Variants in ACTR3B observed in about 807,000 individuals in gnomAD.
ACTR3B encodes the protein actin related protein 3B.
In ACTR3B, 8 loss-of-function variants were observed where a neutral mutation model predicts 59.0. That is an observed-to-expected ratio of 0.14 (90% CI 0.08 to 0.24). The LOEUF (loss-of-function observed/expected upper bound fraction) is 0.24. Ranked by LOEUF, ACTR3B falls within the 10% of genes least tolerant of loss-of-function variation. The pLI, the probability that ACTR3B is intolerant of heterozygous loss-of-function variation, is 1.00. For missense variants in ACTR3B, 245 were observed against 552.3 expected, an observed-to-expected ratio of 0.44 and a Z score of 5.58; for synonymous variants, 148 against 197.9, an observed-to-expected ratio of 0.75 and a Z score of 2.12.
At chr7:152,788,406 CTAAAGTT>C (rs1438868084) in intron 2 of ACTR3B, among the ~76,000 whole-genome samples, 1 of 146,608 alleles carries the variant, frequency 6.8e-6, no homozygotes, top group East Asian at 2.0e-4. Context: ...TTCTAATGTT[CTAAAGTT>C]TTTTTTTTTT....
intron 2 of ACTR3B, among the ~76,000 whole-genome samples, chr7:152,797,847 G>C (rs1193736998): frequency 1.3e-5 from 2 of 152,076 alleles, no homozygotes; most frequent in South Asian, 4.1e-4. Context: ...TCCATGTTGT[G>C]GGCAGATGGC....
intron 4 of ACTR3B, chr7:152,812,536 TG>T (rs1329499796): frequency 2.1e-5 from 3 of 140,562 alleles, no homozygotes; most frequent in East Asian, 4.6e-4. Context: ...TTTATTTTAT[TG>T]TTTTTTTTTA....
intron 2 of ACTR3B, among the ~76,000 whole-genome samples, chr7:152,796,656 A>G: frequency 8.6e-6 from 1 of 115,826 alleles, no homozygotes; most frequent in Non-Finnish European, 2.0e-5. Context: ...GTAGCTGTGC[A>G]GAAAAATTAA....
chr7:152,802,019 G>A (rs575254298), intron 4 of ACTR3B, among the ~76,000 whole-genome samples: 1 of 152,218 alleles, frequency 6.6e-6, no homozygotes, highest in East Asian at 1.9e-4. Context: ...TCTTCTGTTT[G>A]TTCCCCCTGG....
intron 4 of ACTR3B, among the ~76,000 whole-genome samples, chr7:152,807,584 G>A (rs963457362): frequency 1.3e-5 from 2 of 152,186 alleles, no homozygotes; most frequent in Admixed American, 6.5e-5. Flanking sequence ...ATTAGTCTCT[G>A]CACAGTGTGC....
intron 10 of ACTR3B, 45 bp from the exon 11 acceptor site, chr7:152,853,449 T>C (rs759042951): frequency 2.5e-6 from 4 of 1,570,166 alleles, no homozygotes; most frequent in Non-Finnish European, 2.6e-6. Context: ...TTAGATCACA[T>C]GTGTCTGTGG....
intron 4 of ACTR3B, among the ~76,000 whole-genome samples, chr7:152,809,537 C>CTT (rs1287437886): frequency 6.7e-5 from 10 of 148,226 alleles, no homozygotes; most frequent in African/African-American, 2.3e-4. Context: ...TTTGTTTTTT[C>CTT]TTTTTTTTTT....
chr7:152,784,012 G>T (rs534864954), intron 2 of ACTR3B, among the ~76,000 whole-genome samples: 3 of 152,046 alleles, frequency 2.0e-5, no homozygotes, highest in Admixed American at 6.6e-5. Context: ...ATCACTTGAA[G>T]CTGGGGGGTG....
intron 7 of ACTR3B, among the ~76,000 whole-genome samples, chr7:152,821,781 TCACC>T (rs1389946705): frequency 6.6e-6 from 1 of 152,248 alleles, no homozygotes; most frequent in Non-Finnish European, 1.5e-5. Context: ...CTGTTAGTTC[TCACC>T]TCACTTCTCT....
At chr7:152,760,145 C>T (rs1385663306) in intron 1 of ACTR3B, among the ~76,000 whole-genome samples, 2 of 152,150 alleles carry the variant, frequency 1.3e-5, no homozygotes, top group Non-Finnish European at 2.9e-5. Flanking sequence ...AGGAAAAGCA[C>T]GGAGGGTAGG....
rs573257781 is a variant in ACTR3B at position 152,805,820 on chromosome 7, C to T, written c.336+4089C>T. Among the ~76,000 whole-genome samples, 5 of 152,210 alleles carry T rather than the reference C, an allele frequency of 3.3e-5. No individual in the cohort carries two copies. The East Asian group carries it at 5.8e-4, about 18-fold the overall frequency. ...TATGTTGTCGCCTCCTCTCCTATCT[C>T]GCTTCCTTGAGGATTTGTATTTTTA... On this transcript the variant is annotated intron_variant, in intron 4 of 11. Transcript: ENST00000256001.
intron 1 of ACTR3B, among the ~76,000 whole-genome samples, chr7:152,772,722 C>A (rs1336416961): frequency 7.5e-6 from 1 of 132,900 alleles, no homozygotes; most frequent in Non-Finnish European, 1.6e-5. Context: ...AGTGAGGGCT[C>A]CAGAAATAGA....
chr7:152,764,801 A>T (rs1312907835), intron 1 of ACTR3B, among the ~76,000 whole-genome samples: 2 of 152,222 alleles, frequency 1.3e-5, no homozygotes, highest in Admixed American at 6.5e-5. Flanking sequence ...ATTAGTGTGC[A>T]TTCTCACCAG....
intron 5 of ACTR3B, among the ~76,000 whole-genome samples, chr7:152,814,930 C>A (rs1590344082): frequency 6.6e-6 from 1 of 151,420 alleles, no homozygotes; most frequent in African/African-American, 2.4e-5. Flanking sequence ...AGATGTGCTT[C>A]TTCTTTTGGC....
chr7:152,799,791 C>A (rs1004775736), intron 2 of ACTR3B, among the ~76,000 whole-genome samples: 1 of 152,168 alleles, frequency 6.6e-6, no homozygotes, highest in Admixed American at 6.5e-5. Context: ...AGAGTGTGAG[C>A]AGGAGTTAGA....
chr7:152,828,737 G>A (rs552108528), intron 9 of ACTR3B, among the ~76,000 whole-genome samples: 2 of 152,016 alleles, frequency 1.3e-5, no homozygotes, highest in African/African-American at 2.4e-5. Context: ...CGGGTAAGAC[G>A]CTCACTCTCC....
chr7:152,761,826 G>A (rs2098090257), intron 1 of ACTR3B, among the ~76,000 whole-genome samples: 1 of 152,148 alleles, frequency 6.6e-6, no homozygotes, highest in Non-Finnish European at 1.5e-5. Context: ...ACAAAAAGTG[G>A]TAAAATTCAG....
intron 2 of ACTR3B, among the ~76,000 whole-genome samples, chr7:152,794,897 G>A (rs946782396): frequency 3.3e-5 from 5 of 152,138 alleles, no homozygotes; most frequent in African/African-American, 1.2e-4. Flanking sequence ...TGATATCTTT[G>A]AGACTTTAAA....
chr7:152,832,837 A>G (rs1487687404), intron 9 of ACTR3B, among the ~76,000 whole-genome samples: 1 of 152,198 alleles, frequency 6.6e-6, no homozygotes, highest in Non-Finnish European at 1.5e-5. Flanking sequence ...CCTTCAGCTG[A>G]CTGGATGAGG....
Sources: gnomAD v4.1 joint callset for allele counts (sites outside exome capture counted in the v4.1 genomes callset) on GRCh38, gnomAD v4.1.1 for gene constraint, MANE v1.5 for transcripts, NCBI Gene and HGNC (gene_info 2026-07-23, HGNC 2026-07-21) for gene names.